Variants in BST1 observed in about 807,000 individuals in gnomAD.
The protein encoded by BST1 is ADP-ribosyl cyclase/cyclic ADP-ribose hydrolase 2.
In BST1, 49 loss-of-function variants were observed where a neutral mutation model predicts 40.6. That is an observed-to-expected ratio of 1.21 (90% CI 0.96 to 1.53). BST1 has a LOEUF of 1.53. Among genes scored for constraint, BST1 ranks in the 40% most tolerant of loss-of-function variants. The probability of loss-of-function intolerance (pLI) is 0.00; values close to 1 mark genes in which losing one functional copy is unlikely to be tolerated. For missense variants in BST1, 423 were observed against 395.9 expected (o/e 1.07, Z -0.58); for synonymous variants, 157 against 159.3 (o/e 0.99, Z 0.11).
the BST1 span, among the ~76,000 whole-genome samples, chr4:15,765,806 A>G: frequency 9.9e-5 from 15 of 151,898 alleles, no homozygotes; most frequent in Non-Finnish European, 1.9e-4. Context: ...CCTTCCCCCA[A>G]GTCTTTATCC....
intron 6 of BST1, 67 bp from the exon 7 acceptor site, chr4:15,718,840 C>A: frequency 7.2e-7 from 1 of 1,381,612 alleles, no homozygotes; most frequent in Non-Finnish European, 1.0e-6. Flanking sequence ...TTATGTTTAA[C>A]CCAGAAACAA....
chr4:15,711,890 G>A lies in BST1; in HGVS notation c.534+1G>A, dbSNP rs141013660. On this transcript the variant is annotated splice_donor_variant, in intron 4 of 8. Transcript: ENST00000265016. LOFTEE classifies it high-confidence loss of function. ...CTTTTGGAAAAGGGCATCCATCCAG[G>A]TAATGCTGGGATGATATCTGAGTGG... The A allele has an allele frequency of 6.9e-5, 111 of 1,611,824 alleles. No individual in the cohort carries two copies. Among genetic ancestry groups the A allele is most frequent in the Non-Finnish European group, 7.4e-5 (87 of 1,177,978 alleles).
At chr4:15,733,173 TGCTGATTGGTCCATTTTACAGAGC>T (rs1299506473), downstream of BST1, among the ~76,000 whole-genome samples, 4 of 152,252 alleles carry the variant, frequency 2.6e-5, no homozygotes, top group Admixed American at 6.5e-5. Flanking sequence ...ACCCACATCC[TGCTGATTGGTCCATTTTACAGAGC>T]GCTGATTGGT....
the BST1 span, among the ~76,000 whole-genome samples, chr4:15,766,583 C>T: frequency 1.3e-5 from 2 of 151,738 alleles, no homozygotes; most frequent in South Asian, 2.1e-4. Context: ...CAGCCTTGCT[C>T]GGTTTCAGGA....
chr4:15,746,332 T>A, the BST1 span, among the ~76,000 whole-genome samples: 66 of 152,340 alleles, frequency 4.3e-4, no homozygotes, highest in Admixed American at 4.2e-3. Context: ...GCATTACACT[T>A]GTGTCTTAGT....
Position 15,732,063 on chromosome 4 carries a change from T to A in BST1, c.*218T>A. ...AGGTTAAAAAATGCTGCATTAGAATTAAAGCAAGTTATTTTCTTATTTGTA... is the reference window on the plus strand; with the variant it reads ...AGGTTAAAAAATGCTGCATTAGAATAAAAGCAAGTTATTTTCTTATTTGTA... On this transcript the variant is annotated 3_prime_UTR_variant, in exon 9 of 9. Transcript: ENST00000265016. 8.0e-7 allele frequency: 1 copy of A among 1,246,962 alleles called. No individual in the cohort carries two copies. The highest frequency in any genetic ancestry group is 2.7e-5 in the South Asian group (1 of 36,454). 77.2% of individuals were successfully genotyped at this position (1,246,962 alleles called of 1,614,324 possible).
chr4:15,736,208 A>C, downstream of BST1: 1 of 1,084,064 alleles, frequency 9.2e-7, no homozygotes, highest in Non-Finnish European at 1.2e-6. Context: ...CTTCAGCCTA[A>C]CTTCCACAAT....
chr4:15,734,710 G>T (rs1721496129), downstream of BST1, among the ~76,000 whole-genome samples: 2 of 152,076 alleles, frequency 1.3e-5, no homozygotes, highest in African/African-American at 4.8e-5. Context: ...GTTGCCTAAG[G>T]GTCAGTTTCC....
intron 1 of BST1, 37 bp from the exon 2 acceptor site, chr4:15,705,478 C>T (rs573859198): frequency 6.5e-7 from 1 of 1,538,996 alleles, no homozygotes; most frequent in South Asian, 1.3e-5. Context: ...TTATGATGTG[C>T]ATGTGTGTGT....
chr4:15,741,988 T>C (rs1351793634), downstream of BST1, among the ~76,000 whole-genome samples: 1 of 152,156 alleles, frequency 6.6e-6, no homozygotes, highest in Non-Finnish European at 1.5e-5. Context: ...TTCACCAACA[T>C]ACAGTACAAA....
chr4:15,705,659 T>G lies in BST1; in HGVS notation c.315+18T>G, dbSNP rs1719843488. 6.2e-7 allele frequency: 1 copy of G among 1,613,386 alleles called. No homozygotes were observed. Among genetic ancestry groups the G allele is most frequent in the African/African-American group, 1.3e-5 (1 of 74,912 alleles). On this transcript the variant is annotated intron_variant, in intron 2 of 8. Coordinates refer to ENST00000265016, the MANE Select transcript of BST1 (RefSeq NM_004334.3). Reference sequence around the variant, plus strand: ...GAGATAAGGTAACACCACAACCATCTTGGGTAAAACTGTGTTCTCTGTCTC... The same window carrying G: ...GAGATAAGGTAACACCACAACCATCGTGGGTAAAACTGTGTTCTCTGTCTC...
the BST1 span, among the ~76,000 whole-genome samples, chr4:15,755,835 T>A: frequency 1.3e-5 from 2 of 152,126 alleles, no homozygotes; most frequent in Admixed American, 6.5e-5. Flanking sequence ...AGACAGATAA[T>A]CACTTCACTC....
At chr4:15,733,485 G>A (rs144671517), downstream of BST1, among the ~76,000 whole-genome samples, 43 of 152,294 alleles carry the variant, frequency 2.8e-4, no homozygotes, top group East Asian at 7.9e-3. Flanking sequence ...GTGCTGATCG[G>A]TGCATTTACA....
chr4:15,703,141 C>T lies in BST1; in HGVS notation c.-4C>T, dbSNP rs777135274. On this transcript the variant is annotated 5_prime_UTR_variant, in exon 1 of 9. Transcript: ENST00000265016. ...CACGGGACTGGAGGGACCAAAGTTCCCCGATGGCGGCCCAGGGGTGCGCGG... is the reference window on the plus strand; with the variant it reads ...CACGGGACTGGAGGGACCAAAGTTCTCCGATGGCGGCCCAGGGGTGCGCGG... 9 of 1,580,966 alleles carry T rather than the reference C, an allele frequency of 5.7e-6. No homozygotes were observed. The highest frequency in any genetic ancestry group is 5.1e-6 in the Non-Finnish European group (6 of 1,166,140).
chr4:15,742,243 G>C (rs953813571), downstream of BST1, among the ~76,000 whole-genome samples: 6 of 152,178 alleles, frequency 3.9e-5, no homozygotes, highest in African/African-American at 1.4e-4. Context: ...CTACTGGGAG[G>C]TGTTTGGGTC....
At chr4:15,731,505 A>G (rs1485986187) in intron 8 of BST1, 7 of 1,032,316 alleles carry the variant, frequency 6.8e-6, no homozygotes, top group Admixed American at 1.8e-5. Context: ...CTGGGGAGTC[A>G]TAGTTCTTGA....
intron 4 of BST1, 31 bp downstream of exon 4, chr4:15,711,920 G>T: frequency 6.3e-7 from 1 of 1,576,582 alleles, no homozygotes; most frequent in African/African-American, 1.3e-5. Flanking sequence ...GAGTGGTTGA[G>T]CATGTGTGGG....
intron 8 of BST1, chr4:15,723,450 G>A (rs570830938): frequency 5.9e-5 from 32 of 546,318 alleles, no homozygotes; most frequent in African/African-American, 3.1e-4. Context: ...GGGTTTCACC[G>A]TGTTAGCCAG....
At position 15,711,856 on chromosome 4, in the gene BST1, T is replaced by C. The variant is rs1258704555; in HGVS notation, c.501T>C (p.Pro167=). The C allele has an allele frequency of 6.2e-7, 1 of 1,614,126 alleles. No homozygotes were observed. Among genetic ancestry groups the C allele is most frequent in the Non-Finnish European group, 8.5e-7 (1 of 1,179,984 alleles). ...CATCAGAAGACTGTGAAAATAATCC[T>C]GTGGATTCCTTTTGGAAAAGGGCAT... The part of the protein sequence containing the change: ...CPTSEDCENN[P]VDSFWKRASI... The change falls in exon 4 of 9, where the codon CCT becomes CCC. Residue 167 remains proline, a synonymous_variant. Coordinates refer to ENST00000265016, the MANE Select transcript of BST1 (RefSeq NM_004334.3).
Sources: gnomAD v4.1 joint callset for allele counts (sites outside exome capture counted in the v4.1 genomes callset) on GRCh38, gnomAD v4.1.1 for gene constraint, MANE v1.5 for transcripts, NCBI Gene and HGNC (gene_info 2026-07-23, HGNC 2026-07-21) for gene names.